Variants in CTNNA1 observed in about 807,000 individuals in gnomAD.
The protein encoded by CTNNA1 is catenin alpha 1, also known as catenin alpha-1.
CTNNA1 carries 37 observed loss-of-function variants against 98.4 expected under a neutral mutation model. That is an observed-to-expected ratio of 0.38 (90% CI 0.29 to 0.49). The LOEUF is 0.49. Among genes scored for constraint, CTNNA1 ranks in the 20% least tolerant of loss-of-function variants. The probability of loss-of-function intolerance (pLI) is 0.95; values close to 1 mark genes in which losing one functional copy is unlikely to be tolerated. For missense variants in CTNNA1, 761 were observed against 1,147.2 expected (o/e 0.66, Z 4.86); for synonymous variants, 404 against 413.2 (o/e 0.98, Z 0.27).
At chr5:138,823,067 C>G (rs1219894176) in intron 5 of CTNNA1, among the ~76,000 whole-genome samples, 1 of 152,152 alleles carries the variant, frequency 6.6e-6, no homozygotes, top group African/African-American at 2.4e-5. Context: ...ATGACATTAA[C>G]ATTGACATTT....
chr5:138,776,786 T>C (rs1367791232), intron 1 of CTNNA1, among the ~76,000 whole-genome samples: 2 of 144,814 alleles, frequency 1.4e-5, no homozygotes, highest in Admixed American at 6.8e-5. Context: ...ACGGGGCGGC[T>C]GGCCAGGCGG....
chr5:138,768,841 G>A (rs1215777986), intron 1 of CTNNA1, among the ~76,000 whole-genome samples: 3 of 151,998 alleles, frequency 2.0e-5, no homozygotes, highest in Non-Finnish European at 2.9e-5. Flanking sequence ...CCAGATTTCT[G>A]TGTTACAAAG....
At chr5:138,852,368 G>C (rs552511168) in intron 7 of CTNNA1, among the ~76,000 whole-genome samples, 9 of 148,684 alleles carry the variant, frequency 6.1e-5, no homozygotes, top group Non-Finnish European at 1.2e-4. Context: ...CCTCTTTCTC[G>C]GGCAGTGTTC....
chr5:138,868,221 G>A (rs1764986213), intron 7 of CTNNA1, among the ~76,000 whole-genome samples: 2 of 152,196 alleles, frequency 1.3e-5, no homozygotes, highest in Admixed American at 6.5e-5. Flanking sequence ...GTCAGCAGTA[G>A]CTATTAATAA....
intron 7 of CTNNA1, among the ~76,000 whole-genome samples, chr5:138,849,050 G>A (rs1489782905): frequency 6.6e-6 from 1 of 152,138 alleles, no homozygotes; most frequent in Non-Finnish European, 1.5e-5. Context: ...TTAATTCTGA[G>A]TTATCTGGCA....
At chr5:138,757,887 A>G (rs181505766) in intron 1 of CTNNA1, among the ~76,000 whole-genome samples, 134 of 152,316 alleles carry the variant, frequency 8.8e-4, no homozygotes, top group African/African-American at 3.2e-3. Context: ...CCAATAACAA[A>G]TTTGGGCAAA....
intron 2 of CTNNA1, 85 bp downstream of exon 2, chr5:138,782,114 T>G: frequency 1.1e-5 from 14 of 1,297,014 alleles, no homozygotes; most frequent in Non-Finnish European, 1.5e-5. Context: ...GGTTATTTAG[T>G]TCAAAGCCTT....
At chr5:138,887,180 G>T (rs1056870209) in intron 8 of CTNNA1, among the ~76,000 whole-genome samples, 1 of 152,008 alleles carries the variant, frequency 6.6e-6, no homozygotes, top group Non-Finnish European at 1.5e-5. Context: ...GCTGCTTTCA[G>T]TTCAGCTTTT....
chr5:138,811,220 G>A (rs1249403182), intron 4 of CTNNA1, among the ~76,000 whole-genome samples: 33 of 144,970 alleles, frequency 2.3e-4, no homozygotes, highest in South Asian at 4.5e-4. Flanking sequence ...GGGCAGAGAC[G>A]CTCCTCACCT....
intron 11 of CTNNA1, among the ~76,000 whole-genome samples, chr5:138,920,046 G>A (rs1454433596): frequency 2.7e-5 from 4 of 146,264 alleles, no homozygotes; most frequent in Admixed American, 1.4e-4. Context: ...GTGGGATCTC[G>A]GCTCACTGCA....
intron 9 of CTNNA1, 90 bp from the exon 10 acceptor site, chr5:138,904,259 C>T (rs1322669217): frequency 6.9e-7 from 1 of 1,454,252 alleles, no homozygotes; most frequent in Non-Finnish European, 9.2e-7. Context: ...GTCATCTGTT[C>T]CAGAATGGTC....
At chr5:138,920,452 T>C (rs1243756255) in intron 11 of CTNNA1, among the ~76,000 whole-genome samples, 1 of 152,228 alleles carries the variant, frequency 6.6e-6, no homozygotes, top group Non-Finnish European at 1.5e-5. Context: ...CCCTAAAGCA[T>C]AGCGGTGCTT....
intron 5 of CTNNA1, among the ~76,000 whole-genome samples, chr5:138,813,235 G>T (rs753907976): frequency 1.3e-5 from 2 of 152,224 alleles, no homozygotes; most frequent in African/African-American, 2.4e-5. Context: ...CTGGCACTGG[G>T]TGGCTGCAGA....
intron 7 of CTNNA1, among the ~76,000 whole-genome samples, chr5:138,885,652 A>G (rs1011672274): frequency 6.6e-6 from 1 of 152,138 alleles, no homozygotes; most frequent in Non-Finnish European, 1.5e-5. Context: ...TTAGTCTAGG[A>G]TTTTTTTAAA....
intron 3 of CTNNA1, among the ~76,000 whole-genome samples, chr5:138,792,042 G>C (rs138694560): frequency 1.2e-4 from 19 of 152,060 alleles, no homozygotes; most frequent in African/African-American, 4.1e-4. Context: ...AGAAAGGATG[G>C]AAAATGAGAG....
At chr5:138,866,210 T>C (rs971290048) in intron 7 of CTNNA1, among the ~76,000 whole-genome samples, 1 of 152,048 alleles carries the variant, frequency 6.6e-6, no homozygotes, top group Non-Finnish European at 1.5e-5. Flanking sequence ...TAATTAAAAA[T>C]GGCTGTAGAG....
intron 7 of CTNNA1, chr5:138,875,283 G>T (rs28363440): frequency 1.4e-5 from 7 of 518,226 alleles, no homozygotes; most frequent in East Asian, 1.1e-4. Context: ...AGAGCTCCTG[G>T]AGCAGCATGA....
At chr5:138,831,364 A>C (rs1156606883) in intron 7 of CTNNA1, among the ~76,000 whole-genome samples, 1 of 152,202 alleles carries the variant, frequency 6.6e-6, no homozygotes, top group Non-Finnish European at 1.5e-5. Flanking sequence ...AACACTTCCC[A>C]GTTGATTCCA....
intron 10 of CTNNA1, among the ~76,000 whole-genome samples, chr5:138,915,353 C>T (rs1017608143): frequency 2.6e-5 from 4 of 152,134 alleles, no homozygotes; most frequent in Admixed American, 1.3e-4. Flanking sequence ...CGGTACCTGA[C>T]ATCATCAGCT....
Sources: allele counts gnomAD v4.1 joint callset (sites outside exome capture counted in the v4.1 genomes callset), GRCh38; gene constraint gnomAD v4.1.1; transcripts MANE v1.5; gene names NCBI Gene and HGNC (gene_info 2026-07-23, HGNC 2026-07-21).